Variants in ATP8A2 observed in about 807,000 individuals in gnomAD.
The protein encoded by ATP8A2 is ATPase phospholipid transporting 8A2, also known as phospholipid-transporting ATPase IB.
In ATP8A2, 100 loss-of-function variants were observed where a neutral mutation model predicts 165.6. The observed-to-expected ratio is 0.60, with a 90% CI of 0.51 to 0.71. The LOEUF is 0.71. ATP8A2 is among the 30% of genes least tolerant of loss of function. ATP8A2 has a pLI of 0.00. For missense variants in ATP8A2, 1,227 were observed against 1,479.5 expected (o/e 0.83, Z 2.80); for synonymous variants, 543 against 548.8 (o/e 0.99, Z 0.15).
chr13:25,381,885 T>C lies in ATP8A2; in HGVS notation c.76+9597T>C, dbSNP rs146746384. Among the ~76,000 whole-genome samples, 35 of 152,322 alleles carry C rather than the reference T, an allele frequency of 2.3e-4. No individual in the cohort carries two copies. In the East Asian group the frequency reaches 5.8e-3, roughly 25 times the overall value. ...TTACAGGGCAATGTCGGCAGTGTTG[T>C]GCAGAGGAAGTGGGGATGCCGTCTG... On this transcript the variant is annotated intron_variant, in intron 1 of 36. Coordinates refer to ENST00000381655, the MANE Select transcript of ATP8A2 (RefSeq NM_016529.6).
At chr13:25,930,173 G>T (rs1188660144) in intron 33 of ATP8A2, among the ~76,000 whole-genome samples, 1 of 152,100 alleles carries the variant, frequency 6.6e-6, no homozygotes, top group Non-Finnish European at 1.5e-5. Flanking sequence ...CCTCCACGCT[G>T]ACACTCTCCC....
intron 1 of ATP8A2, among the ~76,000 whole-genome samples, chr13:25,411,561 A>C (rs1566112820): frequency 6.6e-6 from 1 of 152,194 alleles, no homozygotes; most frequent in East Asian, 1.9e-4. Context: ...CTGGCTTAAC[A>C]AATTAAGTGT....
intron 2 of ATP8A2, among the ~76,000 whole-genome samples, chr13:25,527,680 TC>T (rs2037885100): frequency 6.6e-6 from 1 of 152,184 alleles, no homozygotes; most frequent in African/African-American, 2.4e-5. Flanking sequence ...AGTATGCATT[TC>T]CCTCTCCACT....
intron 1 of ATP8A2, among the ~76,000 whole-genome samples, chr13:25,399,179 C>T (rs898994752): frequency 3.9e-5 from 6 of 152,076 alleles, no homozygotes; most frequent in African/African-American, 1.2e-4. Flanking sequence ...GGCAGTGGTT[C>T]TTACACTGAA....
At chr13:25,450,139 C>T (rs1294913759) in intron 1 of ATP8A2, among the ~76,000 whole-genome samples, 1 of 152,148 alleles carries the variant, frequency 6.6e-6, no homozygotes, top group Non-Finnish European at 1.5e-5. Context: ...TATCCATGTT[C>T]CTGCAAAAGA....
At chr13:25,777,823 A>AT (rs1355742062) in intron 27 of ATP8A2, among the ~76,000 whole-genome samples, 1 of 152,152 alleles carries the variant, frequency 6.6e-6, no homozygotes, top group Non-Finnish European at 1.5e-5. Context: ...ATAAAAGTGG[A>AT]TTTTTCTGTG....
At chr13:25,403,048 G>A (rs1192498828) in intron 1 of ATP8A2, among the ~76,000 whole-genome samples, 1 of 152,184 alleles carries the variant, frequency 6.6e-6, no homozygotes, top group Non-Finnish European at 1.5e-5. Context: ...CATGAGAACA[G>A]AGACCTCATG....
chr13:25,798,146 T>C (rs1044147053), intron 27 of ATP8A2, among the ~76,000 whole-genome samples: 1 of 152,206 alleles, frequency 6.6e-6, no homozygotes, highest in African/African-American at 2.4e-5. Flanking sequence ...CCCTTGAGAA[T>C]CTCCTGGTTA....
chr13:25,440,794 A>G (rs574278985), intron 1 of ATP8A2, among the ~76,000 whole-genome samples: 1 of 152,346 alleles, frequency 6.6e-6, no homozygotes, highest in East Asian at 1.9e-4. Flanking sequence ...TAGGTCATAT[A>G]GCTTAGAATA....
intron 27 of ATP8A2, among the ~76,000 whole-genome samples, chr13:25,816,692 G>T (rs563876130): frequency 6.6e-6 from 1 of 152,202 alleles, no homozygotes; most frequent in Admixed American, 6.5e-5. Flanking sequence ...TTAGTAAACA[G>T]TTCAGTAACT....
chr13:25,808,057 C>T (rs1950780791), intron 27 of ATP8A2, among the ~76,000 whole-genome samples: 1 of 151,426 alleles, frequency 6.6e-6, no homozygotes, highest in African/African-American at 2.4e-5. Flanking sequence ...TATTTAAAGA[C>T]AAGAAAGAGA....
At chr13:25,545,130 C>T (rs112650488) in intron 10 of ATP8A2, among the ~76,000 whole-genome samples, 1,568 of 151,846 alleles carry the variant, frequency 0.01, 29 homozygotes, top group African/African-American at 0.036. Context: ...GAGGGAAGTT[C>T]AGGAGCTGGA....
At chr13:25,454,226 C>T (rs1291250394) in intron 1 of ATP8A2, among the ~76,000 whole-genome samples, 1 of 152,178 alleles carries the variant, frequency 6.6e-6, no homozygotes, top group Admixed American at 6.5e-5. Flanking sequence ...GTGTACTTTA[C>T]TTGCTTTGCC....
intron 25 of ATP8A2, among the ~76,000 whole-genome samples, chr13:25,757,845 G>A (rs973724887): frequency 2.8e-4 from 42 of 152,010 alleles, no homozygotes; most frequent in African/African-American, 9.4e-4. Flanking sequence ...GCGGTTGTGT[G>A]TCTGGCTCAC....
intron 24 of ATP8A2, among the ~76,000 whole-genome samples, chr13:25,688,583 A>G (rs902465434): frequency 7.2e-5 from 11 of 152,362 alleles, no homozygotes; most frequent in African/African-American, 2.2e-4. Flanking sequence ...AGTATTTCCA[A>G]TTTTAAATGT....
Position 25,564,024 on chromosome 13 carries a change from A to G in ATP8A2, c.1466A>G (p.Asp489Gly), listed in dbSNP as rs1488399508. 1 of 1,611,356 alleles carries G rather than the reference A, an allele frequency of 6.2e-7. No individual in the cohort carries two copies. Among genetic ancestry groups the G allele is most frequent in the Non-Finnish European group, 8.5e-7 (1 of 1,177,634 alleles). The change falls in exon 16 of 37, where the codon GAT (aspartate) becomes GGT (glycine). Residue 489 changes from aspartate to glycine, a missense_variant. By Grantham distance (94) the Asp-to-Gly change is moderately conservative. This residue lies in a region of ATP8A2 where 592 missense variants were observed against 785.6 expected (regional missense o/e 0.75). Transcript: ENST00000381655. ...DDPRLLKNIE[D>G]RHPTAPCIQE... Reference sequence around the variant, plus strand: ...CCCAGGCTGTTGAAGAACATTGAGGATCGCCATGTAAGTGCTCTGTTTTAC... The same window carrying G: ...CCCAGGCTGTTGAAGAACATTGAGGGTCGCCATGTAAGTGCTCTGTTTTAC...
At chr13:25,853,396 A>AAAAATATATATATAT (rs1555278504) in intron 30 of ATP8A2, among the ~76,000 whole-genome samples, 1 of 107,868 alleles carries the variant, frequency 9.3e-6, no homozygotes, top group African/African-American at 3.5e-5. Context: ...ATCTAAAAAA[A>AAAAATATATATATAT]ATATATATAT....
At chr13:25,411,595 C>T (rs904759060) in intron 1 of ATP8A2, among the ~76,000 whole-genome samples, 2 of 152,174 alleles carry the variant, frequency 1.3e-5, no homozygotes, top group Admixed American at 6.5e-5. Flanking sequence ...GGTGCCATAG[C>T]TCTGTAGTTC....
intron 25 of ATP8A2, among the ~76,000 whole-genome samples, chr13:25,746,632 T>A (rs1468295017): frequency 6.6e-6 from 1 of 152,202 alleles, no homozygotes; most frequent in African/African-American, 2.4e-5. Context: ...AAGCTGGTGA[T>A]CCCACACTGA....
Sources: gnomAD v4.1 joint callset for allele counts (sites outside exome capture counted in the v4.1 genomes callset) on GRCh38, gnomAD v4.1.1 for gene constraint, gnomAD v4.1.1 regional missense constraint, MANE v1.5 for transcripts, NCBI Gene and HGNC (gene_info 2026-07-23, HGNC 2026-07-21) for gene names.